KALRN: variants seen among roughly 807,000 people sequenced by gnomAD.
The protein encoded by KALRN is kalirin RhoGEF kinase.
In KALRN, 70 loss-of-function variants were observed where a neutral mutation model predicts 353.7. That is an observed-to-expected ratio of 0.20 (90% CI 0.16 to 0.24). KALRN has a LOEUF of 0.24. Among genes scored for constraint, KALRN ranks in the 10% least tolerant of loss-of-function variants. KALRN has a pLI of 1.00. For missense variants in KALRN, 2,791 were observed against 3,756.7 expected (o/e 0.74, Z 6.72); for synonymous variants, 1,391 against 1,434.8 (o/e 0.97, Z 0.69).
chr3:124,381,997 T>C (rs572153577), intron 10 of KALRN, among the ~76,000 whole-genome samples: 1 of 152,304 alleles, frequency 6.6e-6, no homozygotes, highest in East Asian at 1.9e-4. Flanking sequence ...CCTGCCTATA[T>C]TCTTATAGAG....
intron 1 of KALRN, among the ~76,000 whole-genome samples, chr3:124,130,743 C>T (rs1176462352): frequency 6.6e-6 from 1 of 152,050 alleles, no homozygotes; most frequent in African/African-American, 2.4e-5. Flanking sequence ...TTGTTTCCAA[C>T]AACAGTAGAA....
chr3:124,593,689 C>G (rs922953270), intron 34 of KALRN, among the ~76,000 whole-genome samples: 2 of 152,108 alleles, frequency 1.3e-5, no homozygotes, highest in Non-Finnish European at 2.9e-5. Context: ...TTGTAGAGGC[C>G]CATTTGCTAT....
At chr3:124,190,342 A>G (rs950959195) in intron 1 of KALRN, among the ~76,000 whole-genome samples, 10 of 152,140 alleles carry the variant, frequency 6.6e-5, no homozygotes, top group African/African-American at 2.4e-4. Context: ...ACCATCATTT[A>G]TCCTCAAGAC....
intron 33 of KALRN, among the ~76,000 whole-genome samples, chr3:124,526,037 C>T (rs1481760470): frequency 1.3e-5 from 2 of 152,194 alleles, no homozygotes; most frequent in Admixed American, 1.3e-4. Flanking sequence ...TGTAGGGCTA[C>T]ACACATTCAC....
At chr3:124,433,465 G>A (rs560956340) in intron 16 of KALRN, among the ~76,000 whole-genome samples, 4 of 151,688 alleles carry the variant, frequency 2.6e-5, no homozygotes, top group Non-Finnish European at 5.9e-5. Flanking sequence ...GCACACACCT[G>A]TAGTCCCAGC....
chr3:124,320,342 A>G (rs930479194), intron 6 of KALRN, among the ~76,000 whole-genome samples: 7 of 152,162 alleles, frequency 4.6e-5, no homozygotes, highest in Non-Finnish European at 1.0e-4. Flanking sequence ...GTTCATAGTA[A>G]TGATTAAAAA....
chr3:124,359,979 T>C (rs2083840680), intron 10 of KALRN, among the ~76,000 whole-genome samples: 1 of 152,104 alleles, frequency 6.6e-6, no homozygotes, highest in Non-Finnish European at 1.5e-5. Flanking sequence ...AAGCGTTAAG[T>C]GTTATGGAAG....
Position 124,637,267 on chromosome 3 carries a change from T to C in KALRN, c.5628T>C (p.Leu1876=). ...CTGAAGTACCTACTGCTGCAGACCTTGTCAATGCAATAGAAAAGTTGGTCA... is the reference window on the plus strand; with the variant it reads ...CTGAAGTACCTACTGCTGCAGACCTCGTCAATGCAATAGAAAAGTTGGTCA... ...ASTEVPTAAD[L]VNAIEKLVKN... The change falls in exon 37 of 60, where the codon CTT becomes CTC. Residue 1876 remains leucine, a synonymous_variant. Transcript: ENST00000682506. 6.2e-7 allele frequency: 1 copy of C among 1,614,166 alleles called. No individual in the cohort carries two copies. Among genetic ancestry groups the C allele is most frequent in the Non-Finnish European group, 8.5e-7 (1 of 1,180,012 alleles).
At chr3:124,696,301 T>A in intron 54 of KALRN, 46 bp downstream of exon 54, 1 of 1,581,872 alleles carries the variant, frequency 6.3e-7, no homozygotes, top group Non-Finnish European at 8.6e-7. Context: ...TATATATATT[T>A]TTAGACAGGT....
intron 33 of KALRN, among the ~76,000 whole-genome samples, chr3:124,527,536 G>A (rs1348501924): frequency 6.6e-6 from 1 of 151,988 alleles, no homozygotes; most frequent in Non-Finnish European, 1.5e-5. Context: ...TTGAAACCAG[G>A]AGGCAGAGGT....
intron 6 of KALRN, among the ~76,000 whole-genome samples, chr3:124,305,500 A>G (rs571494861): frequency 3.9e-5 from 6 of 152,340 alleles, no homozygotes; most frequent in African/African-American, 1.4e-4. Context: ...CTTGCAATTA[A>G]TGGAATTAAA....
intron 36 of KALRN, among the ~76,000 whole-genome samples, chr3:124,634,955 C>A (rs747591102): frequency 6.6e-6 from 1 of 152,162 alleles, no homozygotes; most frequent in Non-Finnish European, 1.5e-5. Context: ...TATTTTAATT[C>A]TCTCTGCTTT....
intron 13 of KALRN, among the ~76,000 whole-genome samples, chr3:124,399,341 T>C (rs1396146847): frequency 6.6e-6 from 1 of 152,132 alleles, no homozygotes; most frequent in African/African-American, 2.4e-5. Context: ...TTTCACCACG[T>C]TGGTCAGGCT....
intron 25 of KALRN, among the ~76,000 whole-genome samples, chr3:124,471,966 CAAAA>C (rs34537933): frequency 1.8e-5 from 2 of 110,834 alleles, no homozygotes; most frequent in Non-Finnish European, 3.7e-5. Flanking sequence ...GACTCCGTCT[CAAAA>C]AAAAAAAAAA....
At chr3:124,310,172 T>TA (rs1272180008) in intron 6 of KALRN, among the ~76,000 whole-genome samples, 6 of 151,874 alleles carry the variant, frequency 4.0e-5, no homozygotes, top group Admixed American at 3.9e-4. Flanking sequence ...TATAATAGCA[T>TA]AAAAAAGAAT....
intron 34 of KALRN, among the ~76,000 whole-genome samples, chr3:124,610,895 G>A (rs1379159006): frequency 6.6e-6 from 1 of 152,074 alleles, no homozygotes; most frequent in Non-Finnish European, 1.5e-5. Flanking sequence ...AGGTGTGGTG[G>A]CGCACACTGT....
intron 1 of KALRN, among the ~76,000 whole-genome samples, chr3:124,165,451 A>G (rs1012408344): frequency 5.3e-5 from 8 of 152,214 alleles, no homozygotes; most frequent in Non-Finnish European, 1.0e-4. Flanking sequence ...ATTACGTTCA[A>G]TTACCAAGGC....
At chr3:124,285,334 G>A (rs924915478) in intron 5 of KALRN, among the ~76,000 whole-genome samples, 19 of 152,092 alleles carry the variant, frequency 1.2e-4, no homozygotes, top group Admixed American at 1.2e-3. Flanking sequence ...GTATGCCTGT[G>A]TTAAAACTAC....
chr3:124,472,717 A>T lies in KALRN; in HGVS notation c.4032-1946A>T, dbSNP rs965006181. Among the ~76,000 whole-genome samples the T allele has an allele frequency of 3.3e-5, 5 of 152,108 alleles. No individual in the cohort carries two copies. The South Asian group carries it at 1.0e-3, about 32-fold the overall frequency. Reference sequence around the variant, plus strand: ...AAGTTTGATCCTCAATTATAACATTATATAGCACTTTTTAAAATTTGCACT... The same window carrying T: ...AAGTTTGATCCTCAATTATAACATTTTATAGCACTTTTTAAAATTTGCACT... On this transcript the variant is annotated intron_variant, in intron 25 of 59. Transcript: ENST00000682506.
Sources: allele counts gnomAD v4.1 joint callset (sites outside exome capture counted in the v4.1 genomes callset), GRCh38; gene constraint gnomAD v4.1.1; transcripts MANE v1.5; gene names NCBI Gene and HGNC (gene_info 2026-07-23, HGNC 2026-07-21).